Variants in NEMP2 observed in about 807,000 individuals in gnomAD.
NEMP2 encodes UPF0571 transmembrane protein.
Under a neutral mutation model 54.2 loss-of-function variants are expected in NEMP2, and 53 were observed. The ratio of observed to expected loss-of-function variants is 0.98; its 90% CI spans 0.78 to 1.23. NEMP2 has a LOEUF of 1.23. Among genes scored for constraint, NEMP2 ranks in the 50% most tolerant of loss-of-function variants. The pLI is 0.00. For missense variants in NEMP2, 455 were observed against 511.3 expected, an observed-to-expected ratio of 0.89 and a Z score of 1.06; for synonymous variants, 197 against 190.3, an observed-to-expected ratio of 1.04 and a Z score of -0.29.
intron 1 of NEMP2, 31 bp downstream of exon 1, chr2:190,534,528 G>C (rs1483869253): frequency 5.8e-6 from 8 of 1,378,644 alleles, no homozygotes; most frequent in Admixed American, 6.8e-5. Flanking sequence ...GAGCACGCAC[G>C]CGCGCGCCGC....
the NEMP2 span, among the ~76,000 whole-genome samples, chr2:190,562,661 A>T: frequency 6.6e-6 from 1 of 152,094 alleles, no homozygotes; most frequent in Non-Finnish European, 1.5e-5. This position sits in a 1 kb window ranked among gnomAD's most constrained non-coding sequence, Gnocchi z 5.0. Flanking sequence ...GGTCTCTATG[A>T]CTCTTTTTTG....
the NEMP2 span, among the ~76,000 whole-genome samples, chr2:190,472,292 C>A: frequency 6.6e-6 from 1 of 152,130 alleles, no homozygotes; most frequent in Non-Finnish European, 1.5e-5. Context: ...CTACTCCGAG[C>A]TAAAGGAAGA....
chr2:190,590,289 A>G, the NEMP2 span, among the ~76,000 whole-genome samples: 1 of 152,180 alleles, frequency 6.6e-6, no homozygotes, highest in Non-Finnish European at 1.5e-5. This position sits in a 1 kb window ranked among gnomAD's most constrained non-coding sequence, Gnocchi z 5.1. Context: ...TTTTTGTTCC[A>G]GTTGATCATC....
Position 190,527,900 on chromosome 2 carries a change from T to A in NEMP2, c.98-2522A>T, listed in dbSNP as rs1690999630. On this transcript the variant is annotated intron_variant, in intron 1 of 8. Transcript: ENST00000409150. The surrounding 1 kb of genome is among the most constrained non-coding windows in gnomAD (Gnocchi z 4.0). Reference sequence around the variant, plus strand: ...GATGATCTGAGGTGGAACAGTTTCATCCCAAAACCACCCCAACCCCACTCC... The same window carrying A: ...GATGATCTGAGGTGGAACAGTTTCAACCCAAAACCACCCCAACCCCACTCC... 6.6e-6 allele frequency among the ~76,000 whole-genome samples: 1 copy of A among 152,072 alleles called. No individual in the cohort carries two copies. The highest frequency in any genetic ancestry group is 2.4e-5 in the African/African-American group (1 of 41,394).
At position 190,514,544 on chromosome 2, in the gene NEMP2, C is replaced by A. The variant is rs747556650; in HGVS notation, c.862G>T (p.Ala288Ser). ...GCTGCATAGGCAAACTGAGGCACGG[C>A]CACACCAGCATAGACCAGAACCAGG... is the stretch of plus-strand genomic sequence containing the variant. ...LSLVLVYAGV[A>S]VPQFAYAAII... Residue 288 changes from alanine (A) to serine (S), a missense_variant, in exon 7 of 9, where the codon GCC becomes TCC. Transcript: ENST00000409150. The surrounding 1 kb of genome is among the most constrained non-coding windows in gnomAD (Gnocchi z 5.7). The A allele has an allele frequency of 5.3e-5, 83 of 1,551,590 alleles. No homozygotes were observed. The highest frequency in any genetic ancestry group is 6.9e-5 in the Non-Finnish European group (79 of 1,147,000).
chr2:190,440,302 T>G, the NEMP2 span, among the ~76,000 whole-genome samples: 4 of 152,224 alleles, frequency 2.6e-5, no homozygotes, highest in Non-Finnish European at 5.9e-5. Context: ...GACTGACCTG[T>G]CAGTCTAAAC....
the NEMP2 span, among the ~76,000 whole-genome samples, chr2:190,645,515 C>T: frequency 7.9e-5 from 12 of 152,184 alleles, no homozygotes; most frequent in African/African-American, 2.9e-4. Flanking sequence ...TTAGACACTT[C>T]TATTAGGAAA....
rs139203561 is a variant in NEMP2, at chr2:190,512,909, C to CCA, written c.953+1542_953+1543dup. Among the ~76,000 whole-genome samples, 2 of 151,778 alleles carry CCA rather than the reference C, an allele frequency of 1.3e-5. No individual in the cohort carries two copies. The highest frequency in any genetic ancestry group is 4.8e-5 in the African/African-American group (2 of 41,310). ...GTGCAATTTTAACCCTGTGATATTG[C>CCA]CACACACACACACAGTCACCAGTTC... On this transcript the variant is annotated intron_variant, in intron 7 of 8. Transcript: ENST00000409150. The surrounding 1 kb of genome is among the most constrained non-coding windows in gnomAD (Gnocchi z 4.5).
the NEMP2 span, among the ~76,000 whole-genome samples, chr2:190,458,042 C>T: frequency 6.6e-6 from 1 of 152,166 alleles, no homozygotes; most frequent in African/African-American, 2.4e-5. This position sits in a 1 kb window ranked among gnomAD's most constrained non-coding sequence, Gnocchi z 5.3. Flanking sequence ...ACTGTTGAGG[C>T]CCGAGGAAGC....
the NEMP2 span, among the ~76,000 whole-genome samples, chr2:190,557,556 A>G: frequency 6.6e-6 from 1 of 152,030 alleles, no homozygotes; most frequent in Non-Finnish European, 1.5e-5. Flanking sequence ...ATGGGAGACA[A>G]TTTTTGCAAT....
upstream of NEMP2, among the ~76,000 whole-genome samples, chr2:190,538,825 T>C (rs113047810): frequency 0.018 from 2,668 of 152,326 alleles, 28 homozygotes; most frequent in Middle Eastern, 0.031. The surrounding 1 kb of genome is among the most constrained non-coding windows in gnomAD (Gnocchi z 4.1). Flanking sequence ...TTTTTTGCTA[T>C]TCAATTGTTT....
chr2:190,450,077 C>T, the NEMP2 span, among the ~76,000 whole-genome samples: 8 of 151,908 alleles, frequency 5.3e-5, no homozygotes, highest in Admixed American at 5.2e-4. Context: ...CAAGTGATGT[C>T]CCAAAGCTCA....
At chr2:190,422,257 G>C in the NEMP2 span, among the ~76,000 whole-genome samples, 2 of 151,998 alleles carry the variant, frequency 1.3e-5, no homozygotes, top group Admixed American at 6.6e-5. Flanking sequence ...TTTTTCTGAC[G>C]GTCTCTCCTG....
chr2:190,474,393 G>A, the NEMP2 span, among the ~76,000 whole-genome samples: 58 of 152,190 alleles, frequency 3.8e-4, no homozygotes, highest in African/African-American at 1.2e-3. Context: ...TATCACCACC[G>A]ATCCCACAGA....
the NEMP2 span, among the ~76,000 whole-genome samples, chr2:190,478,652 C>T: frequency 6.6e-6 from 1 of 152,152 alleles, no homozygotes. Flanking sequence ...AGCCCACTCT[C>T]ACAATATATA....
chr2:190,584,612 C>T, the NEMP2 span, among the ~76,000 whole-genome samples: 1 of 152,068 alleles, frequency 6.6e-6, no homozygotes, highest in Non-Finnish European at 1.5e-5. This position sits in a 1 kb window ranked among gnomAD's most constrained non-coding sequence, Gnocchi z 4.2. Flanking sequence ...GTGGCTCATG[C>T]TTATAATCCC....
the NEMP2 span, among the ~76,000 whole-genome samples, chr2:190,458,629 C>T: frequency 1.3e-5 from 2 of 152,172 alleles, no homozygotes; most frequent in Non-Finnish European, 2.9e-5. This position sits in a 1 kb window ranked among gnomAD's most constrained non-coding sequence, Gnocchi z 5.3. Context: ...GGTTATTAGC[C>T]TTTGCTTGAC....
At chr2:190,478,835 T>A in the NEMP2 span, among the ~76,000 whole-genome samples, 1 of 149,476 alleles carries the variant, frequency 6.7e-6, no homozygotes, top group East Asian at 2.0e-4. Context: ...GGGTCTTCCT[T>A]AAAAAAAAAA....
chr2:190,567,894 G>A, the NEMP2 span, among the ~76,000 whole-genome samples: 9 of 152,064 alleles, frequency 5.9e-5, no homozygotes, highest in Admixed American at 2.0e-4. The surrounding 1 kb of genome is among the most constrained non-coding windows in gnomAD (Gnocchi z 4.0). Context: ...CGATTCGCCC[G>A]CCTTGGTCCC....
Sources: gnomAD v4.1 joint callset for allele counts (sites outside exome capture counted in the v4.1 genomes callset) on GRCh38, gnomAD v4.1.1 for gene constraint, Gnocchi (gnomAD v3.1) non-coding constraint, MANE v1.5 for transcripts, NCBI Gene and HGNC (gene_info 2026-07-23, HGNC 2026-07-21) for gene names.